The following RBMS3 variants were observed in gnomAD, a reference collection of about 807,000 sequenced individuals.
The protein encoded by RBMS3 is RNA-binding motif, single-stranded-interacting protein 3.
In RBMS3, 27 loss-of-function variants were observed where a neutral mutation model predicts 66.8. That is an observed-to-expected ratio of 0.40 (90% CI 0.30 to 0.56). The LOEUF is 0.56. RBMS3 is among the 20% of genes least tolerant of loss of function. The pLI is 0.40. For missense variants in RBMS3, 513 were observed against 549.5 expected (o/e 0.93, Z 0.66); for synonymous variants, 188 against 183.0 (o/e 1.03, Z -0.22).
At chr3:29,658,275 C>G (rs144614461) in intron 4 of RBMS3, among the ~76,000 whole-genome samples, 1 of 152,308 alleles carries the variant, frequency 6.6e-6, no homozygotes, top group East Asian at 1.9e-4. Context: ...AAACCATCTT[C>G]TTACAGAGCA....
chr3:29,388,370 A>G (rs1184358083), intron 1 of RBMS3, among the ~76,000 whole-genome samples: 9 of 152,208 alleles, frequency 5.9e-5, no homozygotes, highest in Admixed American at 2.6e-4. Context: ...TAGATGCACC[A>G]TAAATATTTG....
intron 1 of RBMS3, among the ~76,000 whole-genome samples, chr3:29,318,674 G>A (rs1292821390): frequency 6.6e-6 from 1 of 151,886 alleles, no homozygotes; most frequent in Non-Finnish European, 1.5e-5. Flanking sequence ...TCTTTCCTTT[G>A]ACGTTTAATT....
chr3:29,781,961 C>T (rs1355655470), intron 6 of RBMS3, among the ~76,000 whole-genome samples: 1 of 152,014 alleles, frequency 6.6e-6, no homozygotes, highest in Non-Finnish European at 1.5e-5. Context: ...ATATCCTCAT[C>T]CCCCACAGCA....
At chr3:29,945,183 A>C (rs1282480196) in intron 12 of RBMS3, among the ~76,000 whole-genome samples, 1 of 151,730 alleles carries the variant, frequency 6.6e-6, no homozygotes, top group Non-Finnish European at 1.5e-5. Context: ...AAGACAGAAG[A>C]AGAAACAAAG....
At chr3:29,782,169 G>A (rs2056657148) in intron 6 of RBMS3, among the ~76,000 whole-genome samples, 1 of 152,022 alleles carries the variant, frequency 6.6e-6, no homozygotes, top group Admixed American at 6.6e-5. Flanking sequence ...TATCCTTATA[G>A]GACCATAGCT....
At chr3:29,549,217 T>C (rs747200498) in intron 3 of RBMS3, among the ~76,000 whole-genome samples, 1 of 151,972 alleles carries the variant, frequency 6.6e-6, no homozygotes, top group Non-Finnish European at 1.5e-5. Context: ...TGTGCCTTCT[T>C]TGTGTCTCTC....
rs1399700658 is a variant in RBMS3 at position 29,329,887 on chromosome 3, A to G, written c.75+48131A>G. Among the ~76,000 whole-genome samples, 6 of 147,900 alleles carry G rather than the reference A, an allele frequency of 4.1e-5. No individual in the cohort carries two copies. The Admixed American group carries it at 4.1e-4, about 10-fold the overall frequency. On this transcript the variant is annotated intron_variant, in intron 1 of 14. Transcript: ENST00000383767. The stretch of plus-strand genomic sequence containing the variant: ...CTATATAATACATATTAATATAACT[A>G]TATAATTAATATATATATTAATATA...
intron 1 of RBMS3, among the ~76,000 whole-genome samples, chr3:29,336,470 C>A (rs1368574204): frequency 2.6e-5 from 4 of 151,188 alleles, no homozygotes; most frequent in African/African-American, 7.3e-5. Flanking sequence ...AAAAAAAAAA[C>A]CATAATCAAC....
intron 14 of RBMS3, among the ~76,000 whole-genome samples, chr3:30,001,716 A>G (rs1208197598): frequency 6.6e-6 from 1 of 151,824 alleles, no homozygotes; most frequent in African/African-American, 2.4e-5. Flanking sequence ...ACCGTTTGCA[A>G]TTGATTTCCA....
At chr3:29,398,015 A>G in intron 1 of RBMS3, among the ~76,000 whole-genome samples, 1 of 152,192 alleles carries the variant, frequency 6.6e-6, no homozygotes, top group Middle Eastern at 3.2e-3. Context: ...AAATCTCCTT[A>G]TGGCCTTTGG....
At position 29,497,973 on chromosome 3, in the gene RBMS3, A is replaced by ATTTTTTTTTTTTTTTTTTTTTTTTTTT. The variant is rs779555263; in HGVS notation, c.307+9485_307+9511dup. Among the ~76,000 whole-genome samples the ATTTTTTTTTTTTTTTTTTTTTTTTTTT allele has an allele frequency of 9.2e-5, 4 of 43,416 alleles. 1 individual carries two copies. The highest frequency in any genetic ancestry group is 1.2e-4 in the Non-Finnish European group (3 of 24,412). The allele number at this position is 43,416 out of a possible 152,430, so 28.5% of individuals were successfully genotyped here. A position where few individuals can be genotyped will look rare whatever the true frequency, so the allele number is the denominator to read the frequency against. On this transcript the variant is annotated intron_variant, in intron 3 of 14. Coordinates refer to ENST00000383767, the MANE Select transcript of RBMS3 (RefSeq NM_001003793.3). ...TCAGAGTTATTCTCTAAAAGTATTC[A>ATTTTTTTTTTTTTTTTTTTTTTTTTTT]TTTTTTTTTTTTTTTTTTTTTTTTT...
In RBMS3 at chr3:29,652,338, G is replaced by T. The variant is rs1576443756; in HGVS notation, c.399+65133G>T. ...AGGTGGGAGCTGAAGTAAAGAAAAA[G>T]TAAAAAACTCATATAAATAACAATT... On this transcript the variant is annotated intron_variant, in intron 4 of 14. Transcript: ENST00000383767. Among the ~76,000 whole-genome samples, 5 of 152,128 alleles carry T rather than the reference G, an allele frequency of 3.3e-5. No individual in the cohort carries two copies. In the South Asian group the frequency reaches 1.0e-3, roughly 32 times the overall value.
At chr3:29,523,911 T>G (rs1049214360) in intron 3 of RBMS3, among the ~76,000 whole-genome samples, 1 of 151,958 alleles carries the variant, frequency 6.6e-6, no homozygotes, top group Non-Finnish European at 1.5e-5. Context: ...ATTTTAAATT[T>G]TTTTTTGTAG....
At chr3:29,750,705 C>A (rs1165916010) in intron 5 of RBMS3, among the ~76,000 whole-genome samples, 1 of 152,082 alleles carries the variant, frequency 6.6e-6, no homozygotes, top group Non-Finnish European at 1.5e-5. Context: ...TTCCTCCCAC[C>A]TTCCACCTTC....
intron 7 of RBMS3, among the ~76,000 whole-genome samples, chr3:29,869,624 A>G (rs879909581): frequency 2.0e-5 from 3 of 152,154 alleles, no homozygotes; most frequent in Non-Finnish European, 4.4e-5. Context: ...CTGGTAAAAA[A>G]GCCAGTTTAT....
intron 4 of RBMS3, among the ~76,000 whole-genome samples, chr3:29,594,913 A>G (rs1436266370): frequency 6.6e-6 from 1 of 152,214 alleles, no homozygotes; most frequent in Non-Finnish European, 1.5e-5. Flanking sequence ...CTGCTTTTGC[A>G]AGGACTCTAC....
chr3:29,589,552 A>AT (rs1292815088), intron 4 of RBMS3, among the ~76,000 whole-genome samples: 1 of 152,100 alleles, frequency 6.6e-6, no homozygotes, highest in East Asian at 1.9e-4. Context: ...TGACTCTGTA[A>AT]TTTAACTATC....
chr3:29,526,961 C>A (rs1258007136), intron 3 of RBMS3, among the ~76,000 whole-genome samples: 1 of 151,916 alleles, frequency 6.6e-6, no homozygotes, highest in Non-Finnish European at 1.5e-5. Context: ...AACTTTTCAA[C>A]GTGACCATTC....
chr3:29,706,974 T>A (rs1244348562), intron 4 of RBMS3, among the ~76,000 whole-genome samples: 1 of 152,166 alleles, frequency 6.6e-6, no homozygotes, highest in African/African-American at 2.4e-5. Flanking sequence ...CTTAGAGAGA[T>A]CACTATTGCC....
Sources: allele counts gnomAD v4.1 joint callset (sites outside exome capture counted in the v4.1 genomes callset), GRCh38; gene constraint gnomAD v4.1.1; transcripts MANE v1.5; gene names NCBI Gene and HGNC (gene_info 2026-07-23, HGNC 2026-07-21).